The following THSD7B variants were observed in gnomAD, a reference collection of about 807,000 sequenced individuals.
The protein encoded by THSD7B is thrombospondin type 1 domain containing 7B.
THSD7B carries 138 observed loss-of-function variants against 213.6 expected under a neutral mutation model. That is an observed-to-expected ratio of 0.65 (90% CI 0.56 to 0.74). The LOEUF (loss-of-function observed/expected upper bound fraction) is 0.74, where lower values mean the gene tolerates loss of function less well. Among genes scored for constraint, THSD7B ranks in the 30% least tolerant of loss-of-function variants. THSD7B has a pLI of 0.00. For missense variants in THSD7B, 1,931 were observed against 1,991.5 expected (o/e 0.97, Z 0.58); for synonymous variants, 742 against 687.0 (o/e 1.08, Z -1.25).
intron 12 of THSD7B, among the ~76,000 whole-genome samples, chr2:137,296,076 G>T (rs1429574648): frequency 6.6e-6 from 1 of 151,036 alleles, no homozygotes; most frequent in Non-Finnish European, 1.5e-5. Flanking sequence ...TAAATGGTTT[G>T]AGATTCTTTG....
At chr2:137,470,288 C>T (rs1688068129) in intron 15 of THSD7B, among the ~76,000 whole-genome samples, 1 of 152,138 alleles carries the variant, frequency 6.6e-6, no homozygotes, top group African/African-American at 2.4e-5. Flanking sequence ...CTTCACAGAC[C>T]AGGTAAATGT....
chr2:137,261,660 G>A (rs1682455304), intron 10 of THSD7B, among the ~76,000 whole-genome samples: 1 of 152,048 alleles, frequency 6.6e-6, no homozygotes, highest in African/African-American at 2.4e-5. Flanking sequence ...GCATTAACAT[G>A]TACCTTATGC....
rs147109323 is a variant in THSD7B, at chr2:137,165,115, A to C, written c.1525+4747A>C. ...CACCTGAAGGTGGTACTGTCCCCAC[A>C]GCCTCCTGCAGAGTTTAGGGACATG... On this transcript the variant is annotated intron_variant, in intron 6 of 27. Transcript: ENST00000409968. 7.1e-3 allele frequency among the ~76,000 whole-genome samples: 1,083 copies of C among 152,314 alleles called. 13 individuals are homozygous for C. Among genetic ancestry groups the C allele is most frequent in the African/African-American group, 0.024 (1,014 of 41,580 alleles).
At chr2:137,513,054 A>G (rs546050645) in intron 15 of THSD7B, among the ~76,000 whole-genome samples, 92 of 152,338 alleles carry the variant, frequency 6.0e-4, no homozygotes, top group African/African-American at 2.1e-3. Context: ...AGGGTGTACA[A>G]TAAGGATCCC....
chr2:137,133,979 T>C (rs946441306), intron 5 of THSD7B, among the ~76,000 whole-genome samples: 1 of 152,196 alleles, frequency 6.6e-6, no homozygotes, highest in African/African-American at 2.4e-5. Context: ...TCTGAAGATT[T>C]TGATCTCTCA....
At chr2:136,925,465 C>G (rs1007426260) in intron 2 of THSD7B, among the ~76,000 whole-genome samples, 3 of 152,082 alleles carry the variant, frequency 2.0e-5, no homozygotes, top group African/African-American at 7.2e-5. Flanking sequence ...TTAATGTGGT[C>G]TATTACATTG....
intron 12 of THSD7B, among the ~76,000 whole-genome samples, chr2:137,349,487 C>G (rs1558766200): frequency 6.6e-6 from 1 of 151,792 alleles, no homozygotes; most frequent in African/African-American, 2.4e-5. Flanking sequence ...CAGATGATAG[C>G]TATAGATTTG....
chr2:137,349,271 T>A (rs1318842505), intron 12 of THSD7B, among the ~76,000 whole-genome samples: 4 of 151,756 alleles, frequency 2.6e-5, no homozygotes, highest in Non-Finnish European at 4.4e-5. Flanking sequence ...ATTTTGTGAT[T>A]TTTAACAGCA....
chr2:137,204,712 C>T (rs1350702934), intron 7 of THSD7B, among the ~76,000 whole-genome samples: 3 of 151,950 alleles, frequency 2.0e-5, no homozygotes, highest in African/African-American at 7.2e-5. Flanking sequence ...GGCTTATTGC[C>T]TACATGAAAT....
rs964689222 is a variant in THSD7B at position 136,860,854 on chromosome 2, C to T, written c.-35-21290C>T. 1.4e-4 allele frequency among the ~76,000 whole-genome samples: 21 copies of T among 152,220 alleles called. 1 individual carries two copies. Among genetic ancestry groups the T allele is most frequent in the Non-Finnish European group, 2.8e-4 (19 of 68,048 alleles). ...AAGTCATTACAGTGGACTGTAAGGG[C>T]CCTGGGCCTACTCTGATGCTCTCCT... On this transcript the variant is annotated intron_variant, in intron 1 of 27. Transcript: ENST00000409968.
At chr2:137,669,145 C>A (rs574563753) in intron 27 of THSD7B, among the ~76,000 whole-genome samples, 95 of 152,164 alleles carry the variant, frequency 6.2e-4, no homozygotes, top group Non-Finnish European at 1.1e-3. Context: ...TATTTATATT[C>A]ATCATCTGTC....
At position 137,336,335 on chromosome 2, in the gene THSD7B, A is replaced by G. The variant is rs191446352; in HGVS notation, c.2500+60309A>G. ...TTATCTTCTGAAACTGAATGATGGC[A>G]TCTGTCTTTACTCCACCTGAGCTCA... is the stretch of plus-strand genomic sequence containing the variant. On this transcript the variant is annotated intron_variant, in intron 12 of 27. Transcript: ENST00000409968. Among the ~76,000 whole-genome samples the G allele has an allele frequency of 5.7e-4, 87 of 152,304 alleles. 1 individual carries two copies. Among genetic ancestry groups the G allele is most frequent in the African/African-American group, 4.1e-4 (17 of 41,576 alleles).
At chr2:136,973,603 A>G (rs1421802432) in intron 2 of THSD7B, among the ~76,000 whole-genome samples, 2 of 152,224 alleles carry the variant, frequency 1.3e-5, no homozygotes, top group East Asian at 3.9e-4. Flanking sequence ...AGTGCATTCA[A>G]TTTACTTTTT....
chr2:137,413,741 T>C (rs1686726164), intron 14 of THSD7B, among the ~76,000 whole-genome samples: 2 of 152,134 alleles, frequency 1.3e-5, no homozygotes, highest in African/African-American at 4.8e-5. Context: ...GGAATATGAA[T>C]ATAATTTAAC....
In THSD7B at chr2:137,572,559, A is replaced by G; in HGVS notation, c.3423+3A>G. On this transcript the variant is annotated splice_donor_region_variant and intron_variant, in intron 17 of 27. Coordinates refer to ENST00000409968, the MANE Select transcript of THSD7B (RefSeq NM_001316349.2). ...GACTTTGGAGCAAATGCCCACAGGT[A>G]ATTTCTCTTTCTTTGTCAATGCTCT... The G allele has an allele frequency of 6.2e-7, 1 of 1,613,578 alleles. No individual in the cohort carries two copies. The highest frequency in any genetic ancestry group is 8.5e-7 in the Non-Finnish European group (1 of 1,179,634).
In THSD7B at chr2:137,570,004, A is replaced by AT. The variant is rs552634754; in HGVS notation, c.3273-2392dup. On this transcript the variant is annotated intron_variant, in intron 16 of 27. Transcript: ENST00000409968. ...GGAAGGGAAGCAATTTCCAGTTTTT[A>AT]TTTTTTTTTTAAGTTTGTCCAGGAA... Among the ~76,000 whole-genome samples, 42 of 148,098 alleles carry AT rather than the reference A, an allele frequency of 2.8e-4. 1 individual carries two copies. In the South Asian group the frequency reaches 7.0e-3, roughly 25 times the overall value.
At chr2:137,203,925 C>A (rs544223940) in intron 7 of THSD7B, among the ~76,000 whole-genome samples, 3 of 152,194 alleles carry the variant, frequency 2.0e-5, no homozygotes, top group African/African-American at 4.8e-5. Context: ...CTCCTCACAA[C>A]CTTTTCCTTG....
At chr2:137,409,533 A>G (rs1011178505) in intron 13 of THSD7B, among the ~76,000 whole-genome samples, 1 of 152,184 alleles carries the variant, frequency 6.6e-6, no homozygotes, top group African/African-American at 2.4e-5. Context: ...CAGTCTATGG[A>G]TTGGAAGCTT....
At chr2:136,803,962 A>T (rs926378978) in intron 1 of THSD7B, among the ~76,000 whole-genome samples, 1 of 152,200 alleles carries the variant, frequency 6.6e-6, no homozygotes, top group Non-Finnish European at 1.5e-5. Context: ...GACAATGGTG[A>T]AGCCCATCTA....
Sources: allele counts gnomAD v4.1 joint callset (sites outside exome capture counted in the v4.1 genomes callset), GRCh38; gene constraint gnomAD v4.1.1; transcripts MANE v1.5; gene names NCBI Gene and HGNC (gene_info 2026-07-23, HGNC 2026-07-21).